The following ZC3H12B variants were observed in gnomAD, a reference collection of about 807,000 sequenced individuals.
ZC3H12B encodes the protein probable ribonuclease ZC3H12B.
ZC3H12B carries 7 observed loss-of-function variants against 43.9 expected under a neutral mutation model. The ratio of observed to expected loss-of-function variants is 0.16; its 90% CI spans 0.09 to 0.30. The LOEUF (loss-of-function observed/expected upper bound fraction) is 0.30, where lower values mean the gene tolerates loss of function less well. Among genes scored for constraint, ZC3H12B ranks in the 10% least tolerant of loss-of-function variants. The pLI is 1.00. For synonymous variants in ZC3H12B, 222 were observed against 241.7 expected (o/e 0.92, Z 0.76); for missense variants, 475 against 670.2 (o/e 0.71, Z 3.22).
the ZC3H12B span, among the ~76,000 whole-genome samples, chrX:65,282,654 C>A: frequency 9.0e-6 from 1 of 110,823 alleles, no homozygotes; most frequent in African/African-American, 3.3e-5. Flanking sequence ...ACCACCGATC[C>A]CAGAGAAATA....
chrX:65,252,553 C>A, the ZC3H12B span, among the ~76,000 whole-genome samples: 1 of 111,639 alleles, frequency 9.0e-6, no homozygotes, highest in Non-Finnish European at 1.9e-5. Context: ...AAGGGAATTT[C>A]CAAAGGTCAA....
intron 2 of ZC3H12B, among the ~76,000 whole-genome samples, chrX:65,382,334 C>A (rs55645965): frequency 0.015 from 1,655 of 108,836 alleles, 21 homozygotes; most frequent in Middle Eastern, 0.046. Context: ...GCATATAAAC[C>A]GAACCAAAGA....
chrX:65,065,148 G>T, the ZC3H12B span, among the ~76,000 whole-genome samples: 5 of 110,180 alleles, frequency 4.5e-5, no homozygotes, highest in African/African-American at 1.3e-4. Flanking sequence ...TACTTTTAAG[G>T]TCAATATTGT....
the ZC3H12B span, among the ~76,000 whole-genome samples, chrX:65,329,820 G>T: frequency 1.4e-4 from 16 of 111,225 alleles, no homozygotes; most frequent in African/African-American, 3.6e-4. Flanking sequence ...TTTCCCCATT[G>T]CTTGTTTTTG....
the ZC3H12B span, among the ~76,000 whole-genome samples, chrX:65,176,458 A>T: frequency 9.0e-6 from 1 of 111,601 alleles, no homozygotes; most frequent in East Asian, 2.8e-4. Context: ...TGTGGGCGCA[A>T]CTTCTGCAGA....
the ZC3H12B span, among the ~76,000 whole-genome samples, chrX:65,171,015 G>A: frequency 2.7e-5 from 3 of 111,723 alleles, no homozygotes; most frequent in East Asian, 2.8e-4. Flanking sequence ...TGTTATTACC[G>A]ATTGTGTGAA....
chrX:65,485,032 G>T (rs753809707), upstream of ZC3H12B, among the ~76,000 whole-genome samples: 1 of 111,809 alleles, frequency 8.9e-6, no homozygotes, highest in African/African-American at 3.2e-5. Flanking sequence ...TTTAGATTCA[G>T]ATGCAAGTTT....
chrX:65,111,632 A>T, the ZC3H12B span, among the ~76,000 whole-genome samples: 1 of 109,910 alleles, frequency 9.1e-6, no homozygotes, highest in Non-Finnish European at 1.9e-5. Context: ...TTCCAAAAGC[A>T]TGTGTTGCAT....
chrX:65,069,443 G>A, the ZC3H12B span, among the ~76,000 whole-genome samples: 7 of 109,602 alleles, frequency 6.4e-5, no homozygotes, highest in African/African-American at 2.3e-4. Flanking sequence ...ACATTCTTCA[G>A]TATGCCAATT....
chrX:65,054,910 A>G, the ZC3H12B span, among the ~76,000 whole-genome samples: 7 of 111,389 alleles, frequency 6.3e-5, no homozygotes, highest in Non-Finnish European at 9.4e-5. Flanking sequence ...ATGTATAAGA[A>G]TGTTTGTGAT....
chrX:65,217,951 G>A, the ZC3H12B span, among the ~76,000 whole-genome samples: 2 of 111,858 alleles, frequency 1.8e-5, no homozygotes, highest in African/African-American at 3.3e-5. Context: ...ATACCAGAAA[G>A]TCAAGAAACA....
At position 65,408,490 on chromosome X, in the gene ZC3H12B, C is replaced by T. The variant is rs768521951; in HGVS notation, n.407+9786C>T. ...TGCAAGCTCAGCATCTTTCTTATGG[C>T]CACGGACCCCCAGTTCCCCTTACGC... On this transcript the variant is annotated intron_variant and non_coding_transcript_variant, in intron 3 of 5. Transcript: ENST00000617377. The T allele has an allele frequency of 1.5e-5, 18 of 1,208,504 alleles. No individual in the cohort carries two copies. The African/African-American group carries it at 1.7e-4, about 12-fold the overall frequency.
the ZC3H12B span, among the ~76,000 whole-genome samples, chrX:65,262,046 A>G: frequency 9.0e-6 from 1 of 110,830 alleles, no homozygotes; most frequent in Non-Finnish European, 1.9e-5. Context: ...CTCTTTCATT[A>G]TAGGCTCCTT....
At chrX:65,324,272 G>A in the ZC3H12B span, among the ~76,000 whole-genome samples, 5 of 111,710 alleles carry the variant, frequency 4.5e-5, no homozygotes, top group African/African-American at 1.6e-4. Context: ...CTTTGCCCAT[G>A]CCTATGTCCT....
At chrX:65,234,609 A>G in the ZC3H12B span, among the ~76,000 whole-genome samples, 5 of 112,311 alleles carry the variant, frequency 4.5e-5, no homozygotes, top group Non-Finnish European at 9.4e-5. Flanking sequence ...ATTTAGAAAA[A>G]TCTAAGGACT....
chrX:65,495,208 T>G (rs1394054891), intron 1 of ZC3H12B, among the ~76,000 whole-genome samples: 1 of 112,501 alleles, frequency 8.9e-6, no homozygotes, highest in Non-Finnish European at 1.9e-5. Flanking sequence ...CTTTCAACTT[T>G]CAGTTGAGTA....
At position 65,383,488 on chromosome X, in the gene ZC3H12B, A is replaced by T. The variant is rs1453012353; in HGVS notation, n.295+14490A>T. On this transcript the variant is annotated intron_variant and non_coding_transcript_variant, in intron 2 of 5. Coordinates refer to the ZC3H12B transcript ENST00000617377. ...TAAAGACTTAAACGTTTGACCTAAT[A>T]CCATAAAAACCCTAGAAGTAAACCT... Among the ~76,000 whole-genome samples, 3 of 111,960 alleles carry T rather than the reference A, an allele frequency of 2.7e-5. No individual in the cohort carries two copies. In the Admixed American group the frequency reaches 2.9e-4, roughly 11 times the overall value.
At chrX:65,168,336 A>T in the ZC3H12B span, among the ~76,000 whole-genome samples, 1 of 111,413 alleles carries the variant, frequency 9.0e-6, no homozygotes, top group Non-Finnish European at 1.9e-5. Flanking sequence ...GCTTGATTAC[A>T]TTTATTGATT....
the ZC3H12B span, among the ~76,000 whole-genome samples, chrX:65,285,113 A>T: frequency 9.1e-6 from 1 of 109,489 alleles, no homozygotes; most frequent in African/African-American, 3.3e-5. Flanking sequence ...GAGAATAATT[A>T]TTATTATTAT....
Sources: gnomAD v4.1 joint callset for allele counts (sites outside exome capture counted in the v4.1 genomes callset) on GRCh38, gnomAD v4.1.1 for gene constraint, MANE v1.5 for transcripts, NCBI Gene and HGNC (gene_info 2026-07-23, HGNC 2026-07-21) for gene names.